CDH23: variants seen among roughly 807,000 people sequenced by gnomAD.
CDH23 encodes cadherin-23.
In CDH23, 189 loss-of-function variants were observed where a neutral mutation model predicts 317.1. That is an observed-to-expected ratio of 0.60 (90% CI 0.53 to 0.67). The LOEUF (loss-of-function observed/expected upper bound fraction) is 0.67. Among genes scored for constraint, CDH23 ranks in the 30% least tolerant of loss-of-function variants. The pLI, the probability that CDH23 is intolerant of heterozygous loss-of-function variation, is 0.00. For missense variants in CDH23, 4,401 were observed against 4,592.4 expected (o/e 0.96, Z 1.20); for synonymous variants, 1,839 against 1,876.8 (o/e 0.98, Z 0.52).
chr10:71,502,729 G>A (rs1310412611), intron 3 of CDH23, among the ~76,000 whole-genome samples: 1 of 152,180 alleles, frequency 6.6e-6, no homozygotes, highest in Admixed American at 6.5e-5. Context: ...TCATTCTCTG[G>A]GAACTAAGCA....
chr10:71,789,309 A>C (rs1841182542), intron 45 of CDH23, among the ~76,000 whole-genome samples: 3 of 152,144 alleles, frequency 2.0e-5, no homozygotes, highest in South Asian at 4.1e-4. Flanking sequence ...ACCATCCCTC[A>C]AGAAGGGCAT....
At chr10:71,412,511 T>C (rs1848382341) in intron 1 of CDH23, among the ~76,000 whole-genome samples, 1 of 152,208 alleles carries the variant, frequency 6.6e-6, no homozygotes, top group African/African-American at 2.4e-5. Flanking sequence ...TCTTGCTGTG[T>C]TGACCAGGCT....
rs147354708 is a variant in CDH23 at position 71,614,510 on chromosome 10, G to A, written c.833-994G>A. 1.7e-3 allele frequency among the ~76,000 whole-genome samples: 253 copies of A among 152,370 alleles called. 1 individual carries two copies. Among genetic ancestry groups the A allele is most frequent in the African/African-American group, 5.6e-3 (231 of 41,580 alleles). Reference sequence around the variant, plus strand: ...ACATGCCTGCCACTGTGTGCCCAGCGTTGGCCAGGTACCTTAAGGGACAGT... The same window carrying A: ...ACATGCCTGCCACTGTGTGCCCAGCATTGGCCAGGTACCTTAAGGGACAGT... On this transcript the variant is annotated intron_variant, in intron 9 of 69. Transcript: ENST00000224721.
In CDH23 at chr10:71,811,970, T is replaced by G. The variant is rs201359237; in HGVS notation, c.9335T>G (p.Ile3112Ser). The G allele has an allele frequency of 6.3e-7, 1 of 1,586,062 alleles. No individual in the cohort carries two copies. The highest frequency in any genetic ancestry group is 8.6e-7 in the Non-Finnish European group (1 of 1,163,436). ...CTCCCTGCAGGGAATCGTGGCTTCA[T>G]CGACATCATGGACATGCCTAACACC... The part of the protein sequence containing the change: ...VAGSAGNRGF[I>S]DIMDMPNTNK... The change falls in exon 66 of 70, where the codon ATC becomes AGC. Residue 3112 changes from isoleucine (I) to serine (S), a missense_variant. Physicochemically the swap from Ile to Ser is moderately radical, Grantham distance 142 (BLOSUM62 -2). Around this residue, in one of 3 missense-constraint regions of CDH23, gnomAD observed 1,144 missense variants for 1,138.2 expected, o/e 1.01. Coordinates refer to ENST00000224721, the MANE Select transcript of CDH23 (RefSeq NM_022124.6).
chr10:71,810,396 T>C (rs1841880218), intron 61 of CDH23, 76 bp from the exon 62 acceptor site: 14 of 1,335,308 alleles, frequency 1.0e-5, no homozygotes, highest in Non-Finnish European at 3.2e-6. Flanking sequence ...GCAGAAGGGG[T>C]TCCTAAAAGA....
At chr10:71,574,817 C>A (rs891896128) in intron 8 of CDH23, among the ~76,000 whole-genome samples, 1 of 152,180 alleles carries the variant, frequency 6.6e-6, no homozygotes, top group African/African-American at 2.4e-5. Flanking sequence ...GTGTCTCACA[C>A]CTCACCCCCT....
chr10:71,661,840 CA>C (rs1863678786), intron 14 of CDH23, among the ~76,000 whole-genome samples: 2 of 58,092 alleles, frequency 3.4e-5, no homozygotes, highest in Non-Finnish European at 8.2e-5. Flanking sequence ...CGCCCCCTCC[CA>C]CCCTGCACGT....
chr10:71,559,814 A>G (rs1900511), intron 6 of CDH23, among the ~76,000 whole-genome samples: 50,772 of 152,162 alleles, frequency 0.33, 9,130 homozygotes, highest in East Asian at 0.6. Context: ...CAAGAGAGCA[A>G]ATACTGGTAG....
chr10:71,622,282 C>A (rs1305360342), intron 11 of CDH23, among the ~76,000 whole-genome samples: 2 of 152,202 alleles, frequency 1.3e-5, no homozygotes. Context: ...CCACTTGGGT[C>A]AACTTTTCCT....
intron 8 of CDH23, among the ~76,000 whole-genome samples, chr10:71,572,614 C>G (rs1053810189): frequency 6.6e-6 from 1 of 152,168 alleles, no homozygotes; most frequent in African/African-American, 2.4e-5. Context: ...TGTGCCTGCT[C>G]TTGTCGCCAG....
chr10:71,522,690 C>T (rs760447590), intron 6 of CDH23, among the ~76,000 whole-genome samples: 2 of 152,162 alleles, frequency 1.3e-5, no homozygotes, highest in Non-Finnish European at 1.5e-5. Context: ...CACTCTCTCC[C>T]TTGTCCAGGG....
intron 3 of CDH23, among the ~76,000 whole-genome samples, chr10:71,501,112 C>T (rs556309104): frequency 2.0e-5 from 3 of 152,170 alleles, no homozygotes; most frequent in Non-Finnish European, 4.4e-5. Flanking sequence ...AAGTGATCCA[C>T]CCACCTTGGC....
rs752692566 is a variant in CDH23, at chr10:71,695,543, A to C, written c.2397+18A>C. 3 of 1,572,054 alleles carry C rather than the reference A, an allele frequency of 1.9e-6. No individual in the cohort carries two copies. The South Asian group carries it at 3.3e-5, about 17-fold the overall frequency. On this transcript the variant is annotated intron_variant, in intron 22 of 69. Coordinates refer to ENST00000224721, the MANE Select transcript of CDH23 (RefSeq NM_022124.6). ...TGACCACGGTAGGTGGTGGCAGAGC[A>C]GCAGAACTGCCAGGCGGCCCTTCCC...
At chr10:71,668,829 G>C (rs1864022137) in intron 14 of CDH23, among the ~76,000 whole-genome samples, 1 of 152,126 alleles carries the variant, frequency 6.6e-6, no homozygotes. Context: ...TATTAACCTT[G>C]GAATTTTTCA....
chr10:71,472,232 G>T (rs547747064), intron 3 of CDH23, among the ~76,000 whole-genome samples: 1 of 152,316 alleles, frequency 6.6e-6, no homozygotes, highest in South Asian at 2.1e-4. Context: ...ATGGTGGGAG[G>T]AAGGGAGGAG....
intron 38 of CDH23, among the ~76,000 whole-genome samples, chr10:71,754,707 G>C (rs1361380228): frequency 6.6e-6 from 1 of 152,182 alleles, no homozygotes; most frequent in Non-Finnish European, 1.5e-5. Context: ...CAGTAAAATG[G>C]GGACAATGGT....
Position 71,610,442 on chromosome 10 carries a change from C to T in CDH23, c.833-5062C>T, listed in dbSNP as rs541103914. Among the ~76,000 whole-genome samples the T allele has an allele frequency of 4.6e-5, 7 of 152,258 alleles. 1 individual carries two copies. The South Asian group carries it at 8.3e-4, about 18-fold the overall frequency. On this transcript the variant is annotated intron_variant, in intron 9 of 69. Transcript: ENST00000224721. ...AGAATGTGCACAAATGTGTGGAAGG[C>T]GAATGCTTGCAGGGAGAGAAAAAGA...
intron 25 of CDH23, among the ~76,000 whole-genome samples, chr10:71,706,403 A>G (rs1215269218): frequency 6.6e-6 from 1 of 152,168 alleles, no homozygotes; most frequent in Non-Finnish European, 1.5e-5. Flanking sequence ...CAAGTCACTC[A>G]GCTGCTCTGA....
At chr10:71,806,104 G>C in intron 56 of CDH23, 64 bp from the exon 57 acceptor site, 1 of 1,530,756 alleles carries the variant, frequency 6.5e-7, no homozygotes, top group South Asian at 1.2e-5. Flanking sequence ...ACTGGCCACC[G>C]GGAAGTCCCC....
Sources: allele counts gnomAD v4.1 joint callset (sites outside exome capture counted in the v4.1 genomes callset), GRCh38; gene constraint gnomAD v4.1.1; regional missense constraint gnomAD v4.1.1; transcripts MANE v1.5; gene names NCBI Gene and HGNC (gene_info 2026-07-23, HGNC 2026-07-21).